PDE1C: variants seen among roughly 807,000 people sequenced by gnomAD.
PDE1C encodes dual specificity calcium/calmodulin-dependent 3',5'-cyclic nucleotide phosphodiesterase 1C.
A neutral mutation model predicts 93.1 loss-of-function variants in PDE1C; 62 were observed. That is an observed-to-expected ratio of 0.67 (90% CI 0.54 to 0.82). PDE1C has a LOEUF of 0.82. Ranked by LOEUF, PDE1C falls within the 40% of genes least tolerant of loss-of-function variation. The pLI is 0.00. For missense variants in PDE1C, 742 were observed against 884.6 expected, an observed-to-expected ratio of 0.84 and a Z score of 2.04; for synonymous variants, 325 against 310.1, an observed-to-expected ratio of 1.05 and a Z score of -0.50.
intron 2 of PDE1C, among the ~76,000 whole-genome samples, chr7:31,921,830 T>C (rs562038572): frequency 1.2e-4 from 18 of 152,352 alleles, no homozygotes; most frequent in African/African-American, 4.3e-4. Flanking sequence ...GGCCATGTTA[T>C]CAATTATCAA....
intron 2 of PDE1C, among the ~76,000 whole-genome samples, chr7:31,886,776 A>T (rs374732412): frequency 0.13 from 4,646 of 36,244 alleles, 159 homozygotes; most frequent in Middle Eastern, 0.23. Flanking sequence ...ATTCAGATCT[A>T]TTCAGAATAG....
chr7:32,298,652 T>C (rs374343384), exon 1 of PDE1C: 1 of 1,604,568 alleles, frequency 6.2e-7, no homozygotes, highest in South Asian at 1.1e-5. Flanking sequence ...AGTTCTCACC[T>C]ATGGTGAAGC....
Position 31,971,406 on chromosome 7 carries a change from T to C in PDE1C, c.128+80148A>G, listed in dbSNP as rs764474652. Among the ~76,000 whole-genome samples, 23 of 152,106 alleles carry C rather than the reference T, an allele frequency of 1.5e-4. 1 individual carries two copies. The highest frequency in any genetic ancestry group is 4.2e-4 in the South Asian group (2 of 4,814). ...TGCTTGCTAGCCATGTGATCTTGAGTGAGTTATTTAGTCATGCTGCAGCTC... is the reference window on the plus strand; with the variant it reads ...TGCTTGCTAGCCATGTGATCTTGAGCGAGTTATTTAGTCATGCTGCAGCTC... On this transcript the variant is annotated intron_variant, in intron 2 of 17. Coordinates refer to ENST00000396191, the MANE Select transcript of PDE1C (RefSeq NM_001191057.4).
intron 2 of PDE1C, among the ~76,000 whole-genome samples, chr7:32,043,423 C>G (rs1394018050): frequency 1.3e-5 from 2 of 152,128 alleles, no homozygotes; most frequent in Non-Finnish European, 2.9e-5. Flanking sequence ...TTTGAAGCAC[C>G]CTGATATGCC....
chr7:31,976,388 G>T (rs138579647), intron 2 of PDE1C, among the ~76,000 whole-genome samples: 1 of 152,300 alleles, frequency 6.6e-6, no homozygotes, highest in East Asian at 1.9e-4. Context: ...CTGTTATTGT[G>T]TTCTTAATTT....
intron 1 of PDE1C, among the ~76,000 whole-genome samples, chr7:32,328,851 C>T (rs983307108): frequency 6.6e-6 from 1 of 152,224 alleles, no homozygotes; most frequent in Non-Finnish European, 1.5e-5. Flanking sequence ...TCCACAAGGG[C>T]AAGGACATGG....
Position 31,850,635 on chromosome 7 carries a change from C to T in PDE1C, c.851+6G>A, listed in dbSNP as rs541384455. 61 of 1,595,608 alleles carry T rather than the reference C, an allele frequency of 3.8e-5. No individual in the cohort carries two copies. Among genetic ancestry groups the T allele is most frequent in the Non-Finnish European group, 5.1e-5 (59 of 1,163,364 alleles). ...GCCTCTCTTCCAAACATTTAAACAC[C>T]CTCACCGAGTCTGAATGTGGAAATT... On this transcript the variant is annotated splice_donor_region_variant and intron_variant, in intron 8 of 17. Transcript: ENST00000396191.
At chr7:32,186,686 T>A (rs1803907862) in intron 2 of PDE1C, among the ~76,000 whole-genome samples, 1 of 152,158 alleles carries the variant, frequency 6.6e-6, no homozygotes, top group African/African-American at 2.4e-5. Flanking sequence ...ATTATATGAC[T>A]ATAATATGGT....
chr7:32,333,535 T>G lies in PDE1C; in HGVS notation c.310+94287A>C, dbSNP rs1326853158. On this transcript the variant is annotated intron_variant, in intron 1 of 1. Transcript: ENST00000672256. ...CTCTTTGTCACTGAGTGCTTAATTATAGGAGTCCAAAAACTTTGAGTAGCT... is the reference window on the plus strand; with the variant it reads ...CTCTTTGTCACTGAGTGCTTAATTAGAGGAGTCCAAAAACTTTGAGTAGCT... Among the ~76,000 whole-genome samples the G allele has an allele frequency of 2.6e-5, 4 of 152,202 alleles. No individual in the cohort carries two copies. The East Asian group carries it at 7.7e-4, about 29-fold the overall frequency.
At chr7:31,637,559 C>G in the PDE1C span, among the ~76,000 whole-genome samples, 1 of 152,076 alleles carries the variant, frequency 6.6e-6, no homozygotes, top group South Asian at 2.1e-4. Flanking sequence ...CTGTTCATAT[C>G]CTTTACCCAC....
intron 16 of PDE1C, chr7:31,789,879 T>C (rs775354406): frequency 3.8e-6 from 4 of 1,050,672 alleles, no homozygotes; most frequent in Non-Finnish European, 3.4e-6. Flanking sequence ...TCTCCCAGCA[T>C]ATCCAGGATG....
At chr7:31,637,816 C>G in the PDE1C span, among the ~76,000 whole-genome samples, 1 of 152,198 alleles carries the variant, frequency 6.6e-6, no homozygotes, top group African/African-American at 2.4e-5. Flanking sequence ...TTGCCCATGC[C>G]TATGTCCTGA....
At chr7:31,947,693 G>T (rs2129010149) in intron 2 of PDE1C, among the ~76,000 whole-genome samples, 1 of 152,284 alleles carries the variant, frequency 6.6e-6, no homozygotes. Context: ...TACCAAAGAA[G>T]CTTTTACAAA....
chr7:32,166,602 G>A (rs939964252), intron 3 of PDE1C, among the ~76,000 whole-genome samples: 4 of 152,150 alleles, frequency 2.6e-5, no homozygotes, highest in African/African-American at 7.2e-5. Context: ...CTCAACTATC[G>A]ACACACAACC....
At chr7:31,891,177 G>A (rs571676559) in intron 2 of PDE1C, among the ~76,000 whole-genome samples, 1 of 152,152 alleles carries the variant, frequency 6.6e-6, no homozygotes, top group East Asian at 1.9e-4. Flanking sequence ...ATGTGCGAGA[G>A]GTTTTTATGA....
chr7:31,799,912 G>A (rs568922583), intron 16 of PDE1C, among the ~76,000 whole-genome samples: 1 of 151,710 alleles, frequency 6.6e-6, no homozygotes, highest in African/African-American at 2.4e-5. Flanking sequence ...GACAGCCACA[G>A]TGAAATGCAG....
chr7:32,174,881 A>G (rs1365655350), intron 2 of PDE1C, among the ~76,000 whole-genome samples: 4 of 152,164 alleles, frequency 2.6e-5, no homozygotes, highest in Non-Finnish European at 5.9e-5. Context: ...GTGAAATTAC[A>G]TCTTACCCAT....
chr7:32,070,869 G>A, upstream of PDE1C: 6 of 986,274 alleles, frequency 6.1e-6, no homozygotes, highest in Non-Finnish European at 7.2e-6. Context: ...GCCGGCGCGG[G>A]CGGTGGGGCC....
intron 1 of PDE1C, among the ~76,000 whole-genome samples, chr7:32,363,963 T>C (rs1784184520): frequency 6.6e-6 from 1 of 152,240 alleles, no homozygotes; most frequent in Non-Finnish European, 1.5e-5. Flanking sequence ...CTGATATCAT[T>C]GTCATTTTAT....
Sources: gnomAD v4.1 joint callset for allele counts (sites outside exome capture counted in the v4.1 genomes callset) on GRCh38, gnomAD v4.1.1 for gene constraint, MANE v1.5 for transcripts, NCBI Gene and HGNC (gene_info 2026-07-23, HGNC 2026-07-21) for gene names.